APC: variants seen among roughly 807,000 people sequenced by gnomAD.
APC encodes APC regulator of Wnt signaling pathway, also known as adenomatous polyposis coli protein.
In APC, 72 loss-of-function variants were observed where a neutral mutation model predicts 247.0. The observed-to-expected ratio is 0.29, with a 90% CI of 0.24 to 0.35. The LOEUF is 0.35. APC is among the 10% of genes least tolerant of loss of function. APC has a pLI of 1.00. For missense variants in APC, 3,400 were observed against 3,360.7 expected (o/e 1.01, Z -0.29); for synonymous variants, 1,254 against 1,162.5 (o/e 1.08, Z -1.60).
At chr5:112,790,165 A>T (rs1759412375) in intron 6 of APC, among the ~76,000 whole-genome samples, 1 of 151,988 alleles carries the variant, frequency 6.6e-6, no homozygotes, top group Admixed American at 6.6e-5. Context: ...TGGCCTGAGA[A>T]TATTTTTTTA....
chr5:112,836,170 C>A (rs1036951313), intron 15 of APC, among the ~76,000 whole-genome samples: 7 of 67,674 alleles, frequency 1.0e-4, no homozygotes, highest in Non-Finnish European at 1.5e-4. Context: ...ACAGGTCCCC[C>A]CCCCCCCCCG....
intron 14 of APC, among the ~76,000 whole-genome samples, chr5:112,833,834 A>G (rs558449630): frequency 7.2e-5 from 11 of 152,310 alleles, no homozygotes; most frequent in African/African-American, 2.4e-4. Flanking sequence ...CCACTTGTAT[A>G]TAATGCTTTT....
chr5:112,834,260 TA>T (rs35769203), intron 14 of APC, among the ~76,000 whole-genome samples: 57,286 of 124,284 alleles, frequency 0.46, 13,711 homozygotes, highest in East Asian at 0.77. Flanking sequence ...TTTTTTTTTT[TA>T]AAAAGAGTTT....
chr5:112,832,349 TA>T (rs1764385387), intron 14 of APC, among the ~76,000 whole-genome samples: 1 of 152,174 alleles, frequency 6.6e-6, no homozygotes, highest in African/African-American at 2.4e-5. Context: ...ACAATGTAAT[TA>T]AAATTGGGCT....
chr5:112,744,069 T>C (rs1162378439), intron 1 of APC, among the ~76,000 whole-genome samples: 1 of 152,038 alleles, frequency 6.6e-6, no homozygotes, highest in Non-Finnish European at 1.5e-5. Context: ...CTCGAACTCC[T>C]GTCTACAAGT....
At chr5:112,743,653 T>C (rs1465982950) in intron 1 of APC, among the ~76,000 whole-genome samples, 1 of 152,220 alleles carries the variant, frequency 6.6e-6, no homozygotes, top group Non-Finnish European at 1.5e-5. Flanking sequence ...TAATAGAAAC[T>C]GAGAAACGTT....
intron 2 of APC, among the ~76,000 whole-genome samples, chr5:112,755,264 T>C (rs1253380533): frequency 3.3e-5 from 5 of 152,196 alleles, no homozygotes. Flanking sequence ...TTAGTTCTTT[T>C]TAAGATTAAA....
intron 1 of APC, among the ~76,000 whole-genome samples, chr5:112,712,753 A>G (rs918626770): frequency 2.6e-5 from 4 of 151,726 alleles, no homozygotes; most frequent in Non-Finnish European, 5.9e-5. Context: ...TCTCTCAACA[A>G]CCCAGTCTTG....
intron 14 of APC, among the ~76,000 whole-genome samples, chr5:112,830,816 GAAACTTTTGGGGATGATAT>G (rs1764212572): frequency 6.6e-6 from 1 of 152,286 alleles, no homozygotes; most frequent in Middle Eastern, 3.4e-3. Flanking sequence ...GAGAGGGTAG[GAAACTTTTGGGGATGATAT>G]AAATGTTTGT....
In APC at chr5:112,844,569, A is replaced by T. The variant is rs1766824392; in HGVS notation, c.*443A>T. The T allele has an allele frequency of 4.2e-6, 1 of 236,162 alleles. No individual in the cohort carries two copies. The highest frequency in any genetic ancestry group is 2.2e-5 in the African/African-American group (1 of 45,330). The allele number at this position is 236,162 out of a possible 1,614,324, so 14.6% of individuals were successfully genotyped here. ...TTTTGTCCTTGTGAGTCCATCTAAC[A>T]TCATAATTAATCATGTGGCTGTGAA... On this transcript the variant is annotated 3_prime_UTR_variant, in exon 16 of 16. Coordinates refer to ENST00000257430, the MANE Select transcript of APC (RefSeq NM_000038.6).
Position 112,844,094 on chromosome 5 carries a change from C to T in APC, c.8500C>T (p.His2834Tyr), listed in dbSNP as rs1198859722. The T allele has an allele frequency of 1.9e-6, 3 of 1,611,822 alleles. No homozygotes were observed. Among genetic ancestry groups the T allele is most frequent in the East Asian group, 4.5e-5 (2 of 44,876 alleles). The change falls in exon 16 of 16, where the codon CAT becomes TAT. Residue 2834 changes from histidine to tyrosine, a missense_variant. Physicochemically the swap from His to Tyr is moderately conservative, Grantham distance 83 (BLOSUM62 2). This residue lies in a region of APC where 1,788 missense variants were observed against 1,649.5 expected (regional missense o/e 1.08). Transcript: ENST00000257430. Reference protein sequence around the residue: ...ESSGTQSPKRHSGSYLVTSV With the variant: ...ESSGTQSPKRYSGSYLVTSV ...CAGTGGAACCCAAAGTCCTAAGCGC[C>T]ATTCTGGGTCTTACCTTGTGACATC...
At chr5:112,740,879 A>C (rs372022178) in intron 1 of APC, among the ~76,000 whole-genome samples, 7 of 151,626 alleles carry the variant, frequency 4.6e-5, no homozygotes, top group African/African-American at 1.7e-4. Context: ...TGTTTTATAA[A>C]CTGTTACTCA....
Position 112,842,983 on chromosome 5 carries a change from A to G in APC, c.7389A>G (p.Glu2463=), listed in dbSNP as rs587782127. 6.2e-7 allele frequency: 1 copy of G among 1,614,042 alleles called. No individual in the cohort carries two copies. Among genetic ancestry groups the G allele is most frequent in the Non-Finnish European group, 8.5e-7 (1 of 1,179,950 alleles). The part of the protein sequence containing the change: ...RRKLEESASF[E]SLSPSSRPAS... ...AATTGGAGGAATCTGCTTCATTTGAATCTCTTTCTCCATCATCTAGACCAG... is the reference window on the plus strand; with the variant it reads ...AATTGGAGGAATCTGCTTCATTTGAGTCTCTTTCTCCATCATCTAGACCAG... The change falls in exon 16 of 16, where the codon GAA becomes GAG. Residue 2463 remains glutamate (E), a synonymous_variant. Coordinates refer to ENST00000257430, the MANE Select transcript of APC (RefSeq NM_000038.6).
intron 11 of APC, among the ~76,000 whole-genome samples, chr5:112,822,255 G>T (rs1203050408): frequency 1.3e-5 from 2 of 152,050 alleles, no homozygotes; most frequent in Non-Finnish European, 2.9e-5. Flanking sequence ...GAAAAAAAAT[G>T]ACAAAATGGG....
In APC at chr5:112,839,811, A is replaced by G. The variant is rs372241082; in HGVS notation, c.4217A>G (p.Gln1406Arg). The change falls in exon 16 of 16, where the codon CAG becomes CGG. Residue 1406 changes from glutamine to arginine, a missense_variant. Physicochemically the swap from Gln to Arg is conservative, Grantham distance 43. This residue lies in a region of APC where 40 missense variants were observed against 75.6 expected (regional missense o/e 0.53). Transcript: ENST00000257430. The surrounding 1 kb of genome is among the most constrained non-coding windows in gnomAD (Gnocchi z 5.0). ...AGTCGTTCGATTGCCAGCTCCGTTC[A>G]GAGTGAACCATGCAGTGGAATGGTA... is the stretch of plus-strand genomic sequence containing the variant. ...FESRSIASSVQSEPCSGMVSG... is the reference protein window; with the variant it reads ...FESRSIASSVRSEPCSGMVSG... 7 of 1,614,016 alleles carry G rather than the reference A, an allele frequency of 4.3e-6. No homozygotes were observed. Among genetic ancestry groups the G allele is most frequent in the East Asian group, 2.2e-5 (1 of 44,884 alleles).
intron 4 of APC, among the ~76,000 whole-genome samples, chr5:112,770,152 TA>T (rs1756879434): frequency 6.6e-6 from 1 of 152,202 alleles, no homozygotes; most frequent in African/African-American, 2.4e-5. Context: ...TTACTGCAAA[TA>T]CTAGTAAACC....
rs1554087859 is a variant in APC, at chr5:112,842,523, C to T, written c.6929C>T (p.Ser2310Leu). 6.2e-7 allele frequency: 1 copy of T among 1,614,074 alleles called. No homozygotes were observed. The highest frequency in any genetic ancestry group is 8.5e-7 in the Non-Finnish European group (1 of 1,179,962). Residue 2310 changes from serine to leucine, a missense_variant, in exon 16 of 16, where the codon TCA becomes TTA. Ser to Leu is a moderately radical substitution (Grantham distance 145). Coordinates refer to ENST00000257430, the MANE Select transcript of APC (RefSeq NM_000038.6). The part of the protein sequence containing the change: ...SRSGSRDSTP[S>L]RPAQQPLSRP... Reference sequence around the variant, plus strand: ...TCAGGATCTAGAGATTCGACCCCTTCAAGACCTGCCCAGCAACCATTAAGT... The same window carrying T: ...TCAGGATCTAGAGATTCGACCCCTTTAAGACCTGCCCAGCAACCATTAAGT...
intron 4 of APC, among the ~76,000 whole-genome samples, chr5:112,772,465 A>G (rs190364533): frequency 1.7e-3 from 259 of 151,498 alleles, no homozygotes; most frequent in Middle Eastern, 0.01. Context: ...CCTTACTTCA[A>G]CACTGCCACT....
chr5:112,806,767 A>G (rs1290217324), intron 8 of APC, among the ~76,000 whole-genome samples: 1 of 152,060 alleles, frequency 6.6e-6, no homozygotes, highest in African/African-American at 2.4e-5. Flanking sequence ...TTATAGAGAT[A>G]GGATCTCACT....
Sources: gnomAD v4.1 joint callset for allele counts (sites outside exome capture counted in the v4.1 genomes callset) on GRCh38, gnomAD v4.1.1 for gene constraint, gnomAD v4.1.1 regional missense constraint, Gnocchi (gnomAD v3.1) non-coding constraint, MANE v1.5 for transcripts, NCBI Gene and HGNC (gene_info 2026-07-23, HGNC 2026-07-21) for gene names.